PHGDH: variants seen among roughly 807,000 people sequenced by gnomAD.
PHGDH encodes D-3-phosphoglycerate dehydrogenase.
Under a neutral mutation model 52.6 loss-of-function variants are expected in PHGDH, and 50 were observed. The ratio of observed to expected loss-of-function variants is 0.95; its 90% CI spans 0.76 to 1.20. The LOEUF is 1.20. Ranked by LOEUF, PHGDH falls within the 50% of genes most tolerant of loss-of-function variation. The pLI, the probability that PHGDH is intolerant of heterozygous loss-of-function variation, is 0.00. For missense variants in PHGDH, 630 were observed against 684.6 expected, an observed-to-expected ratio of 0.92 and a Z score of 0.89; for synonymous variants, 271 against 280.5, an observed-to-expected ratio of 0.97 and a Z score of 0.34.
intron 5 of PHGDH, among the ~76,000 whole-genome samples, chr1:119,728,014 G>T (rs1409726657): frequency 6.6e-6 from 1 of 152,094 alleles, no homozygotes; most frequent in African/African-American, 2.4e-5. Context: ...TGTTCATTTG[G>T]CACATGTCTT....
chr1:119,729,126 T>G (rs1651578471), intron 5 of PHGDH, among the ~76,000 whole-genome samples: 1 of 152,126 alleles, frequency 6.6e-6, no homozygotes, highest in Non-Finnish European at 1.5e-5. Context: ...TTCCTAAGCC[T>G]CTGCACTGAG....
At chr1:119,721,814 C>T (rs1651180414) in intron 2 of PHGDH, among the ~76,000 whole-genome samples, 5 of 152,360 alleles carry the variant, frequency 3.3e-5, no homozygotes, top group Admixed American at 2.6e-4. Flanking sequence ...CTCCCCACTT[C>T]CCTGCCACCT....
chr1:119,725,310 G>C (rs1220394039), intron 3 of PHGDH, among the ~76,000 whole-genome samples: 1 of 152,192 alleles, frequency 6.6e-6, no homozygotes, highest in African/African-American at 2.4e-5. Context: ...AGAGAAAAGG[G>C]TTAGGGATTT....
chr1:119,729,150 A>G (rs1210777936), intron 5 of PHGDH, among the ~76,000 whole-genome samples: 1 of 152,182 alleles, frequency 6.6e-6, no homozygotes, highest in East Asian at 1.9e-4. Flanking sequence ...GGCCAGGTGT[A>G]TTCTTGATCC....
Position 119,734,648 on chromosome 1 carries a change from C to T in PHGDH, c.525C>T (p.Asp175=). The change falls in exon 6 of 12, where the codon GAC becomes GAT. Residue 175 remains aspartate, a synonymous_variant. Transcript: ENST00000641023. ...QSFGMKTIGY[D]PIISPEVSAS... ...CTTCCAACCAGACTATAGGGTATGA[C>T]CCCATCATTTCCCCAGAGGTCTCGG... is the stretch of plus-strand genomic sequence containing the variant. The T allele has an allele frequency of 2.5e-6, 4 of 1,614,034 alleles. No homozygotes were observed. The highest frequency in any genetic ancestry group is 2.5e-6 in the Non-Finnish European group (3 of 1,179,884).
chr1:119,718,977 A>G (rs1217594381), intron 1 of PHGDH, among the ~76,000 whole-genome samples: 2 of 152,176 alleles, frequency 1.3e-5, no homozygotes, highest in African/African-American at 4.8e-5. Flanking sequence ...CCTGGAAGAT[A>G]ACTTTATTGC....
At chr1:119,726,530 A>G in intron 3 of PHGDH, 1 of 464,744 alleles carries the variant, frequency 2.2e-6, no homozygotes, top group South Asian at 2.1e-5. Context: ...TTATCCCTAC[A>G]GACCCTGGAG....
intron 8 of PHGDH, chr1:119,739,608 G>A (rs1362362757): frequency 6.6e-6 from 1 of 152,060 alleles, no homozygotes; most frequent in Admixed American, 6.6e-5. Context: ...ATTACATCTT[G>A]TAGCTGCCTG....
At chr1:119,739,908 A>G (rs942648100) in intron 8 of PHGDH, 3 of 167,864 alleles carry the variant, frequency 1.8e-5, no homozygotes, top group Non-Finnish European at 2.6e-5. Context: ...AAACTTTGTG[A>G]TAATTGATCG....
Position 119,744,107 on chromosome 1 carries a change from G to A in PHGDH, c.*67G>A. Reference sequence around the variant, plus strand: ...GAAACCCACCCACTGTGATCAATAGGGAGAGAAAATCCACATTCTTGGGCT... The same window carrying A: ...GAAACCCACCCACTGTGATCAATAGAGAGAGAAAATCCACATTCTTGGGCT... On this transcript the variant is annotated 3_prime_UTR_variant, in exon 12 of 12. Coordinates refer to ENST00000641023, the MANE Select transcript of PHGDH (RefSeq NM_006623.4). 6.8e-7 allele frequency: 1 copy of A among 1,467,908 alleles called. No homozygotes were observed. The highest frequency in any genetic ancestry group is 9.5e-7 in the Non-Finnish European group (1 of 1,047,350). 90.9% of individuals were successfully genotyped at this position (1,467,908 alleles called of 1,614,324 possible). A position where few individuals can be genotyped will look rare whatever the true frequency, so the allele number is the denominator to read the frequency against.
At chr1:119,731,378 G>A (rs1651683295) in intron 5 of PHGDH, among the ~76,000 whole-genome samples, 2 of 152,148 alleles carry the variant, frequency 1.3e-5, no homozygotes, top group Non-Finnish European at 2.9e-5. Flanking sequence ...GTGTTCCTTA[G>A]AATGTGTTAA....
chr1:119,719,539 G>A (rs587702606), intron 1 of PHGDH: 1 of 152,348 alleles, frequency 6.6e-6, no homozygotes, highest in African/African-American at 2.4e-5. Context: ...CAGTGAGGAT[G>A]TGTGATGCAT....
intron 2 of PHGDH, among the ~76,000 whole-genome samples, chr1:119,722,051 C>T (rs1651191573): frequency 6.6e-6 from 1 of 152,230 alleles, no homozygotes; most frequent in Non-Finnish European, 1.5e-5. Flanking sequence ...AGACCTTTCC[C>T]CTCCCCTGCA....
At chr1:119,735,665 G>C (rs1008847195) in intron 7 of PHGDH, among the ~76,000 whole-genome samples, 1 of 152,184 alleles carries the variant, frequency 6.6e-6, no homozygotes, top group African/African-American at 2.4e-5. Context: ...TGCAAAACTC[G>C]GGCTTTAAAG....
intron 1 of PHGDH, chr1:119,720,861 G>A (rs1651116766): frequency 2.5e-6 from 1 of 404,206 alleles, no homozygotes; most frequent in African/African-American, 2.1e-5. Context: ...AGGCATCATG[G>A]TGCTGTCTAG....
chr1:119,740,479 G>T lies in PHGDH; in HGVS notation c.1039G>T (p.Ala347Ser). 6.3e-7 allele frequency: 1 copy of T among 1,599,110 alleles called. No individual in the cohort carries two copies. Among genetic ancestry groups the T allele is most frequent in the Non-Finnish European group, 8.5e-7 (1 of 1,172,614 alleles). Residue 347 changes from alanine (A) to serine (S), a missense_variant, in exon 9 of 12, where the codon GCT (alanine) becomes TCT (serine). Ala to Ser is a moderately conservative substitution (Grantham distance 99, BLOSUM62 1). Transcript: ENST00000641023. Reference protein sequence around the residue: ...EALGTLMRAWAGSPKGTIQVI... With the variant: ...EALGTLMRAWSGSPKGTIQVI... ...TCTGGGGACACTGATGCGAGCCTGGGCTGGGTCCCCCAAAGGGACCATCCA... is the reference window on the plus strand; with the variant it reads ...TCTGGGGACACTGATGCGAGCCTGGTCTGGGTCCCCCAAAGGGACCATCCA...
intron 7 of PHGDH, among the ~76,000 whole-genome samples, chr1:119,736,384 G>A (rs1226395447): frequency 3.3e-5 from 5 of 152,276 alleles, no homozygotes; most frequent in East Asian, 1.9e-4. Flanking sequence ...ACATGTGGCC[G>A]GGACTCACAG....
intron 11 of PHGDH, among the ~76,000 whole-genome samples, chr1:119,743,614 G>A (rs1228940816): frequency 6.6e-6 from 1 of 152,184 alleles, no homozygotes; most frequent in Non-Finnish European, 1.5e-5. Flanking sequence ...GAACTTCCCT[G>A]CTTTTCTCCC....
At position 119,734,691 on chromosome 1, in the gene PHGDH, C is replaced by T; in HGVS notation, c.568C>T (p.Gln190Ter). The T allele has an allele frequency of 6.2e-7, 1 of 1,614,050 alleles. No homozygotes were observed. Among genetic ancestry groups the T allele is most frequent in the Non-Finnish European group, 8.5e-7 (1 of 1,179,886 alleles). ...PEVSASFGVQQLPLEEIWPLC... is the reference protein window; with the variant it reads ...PEVSASFGVQ ...GGTCTCGGCCTCCTTTGGTGTTCAG[C>T]AGCTGCCCCTGGAGGAGATCTGGCC... Residue 190 changes from glutamine (Q) to a stop codon, truncating the protein, a stop_gained, in exon 6 of 12, where the codon CAG becomes TAG. Transcript: ENST00000641023. LOFTEE classifies it high-confidence loss of function.
Sources: allele counts gnomAD v4.1 joint callset (sites outside exome capture counted in the v4.1 genomes callset), GRCh38; gene constraint gnomAD v4.1.1; transcripts MANE v1.5; gene names NCBI Gene and HGNC (gene_info 2026-07-23, HGNC 2026-07-21).